Variants in GABRA3 observed in about 807,000 individuals in gnomAD.
The protein encoded by GABRA3 is gamma-aminobutyric acid receptor subunit alpha-3.
In GABRA3, 10 loss-of-function variants were observed where a neutral mutation model predicts 30.1. The observed-to-expected ratio is 0.33, with a 90% CI of 0.20 to 0.56. The LOEUF (loss-of-function observed/expected upper bound fraction) is 0.56, where lower values mean the gene tolerates loss of function less well. GABRA3 is among the 20% of genes least tolerant of loss of function. The pLI is 0.89. For missense variants in GABRA3, 233 were observed against 392.0 expected (o/e 0.59, Z 3.42); for synonymous variants, 151 against 146.8 (o/e 1.03, Z -0.21).
chrX:152,440,353 TA>T (rs1188091553), intron 1 of GABRA3, among the ~76,000 whole-genome samples: 5 of 112,126 alleles, frequency 4.5e-5, no homozygotes, highest in Non-Finnish European at 9.4e-5. Context: ...TGGCAATCAT[TA>T]AAAAGTCAAG....
chrX:152,247,578 T>C (rs1341681137), intron 5 of GABRA3, among the ~76,000 whole-genome samples: 1 of 111,822 alleles, frequency 8.9e-6, no homozygotes, highest in Non-Finnish European at 1.9e-5. Flanking sequence ...AAAATAGGGA[T>C]GTTAACAATA....
intron 1 of GABRA3, among the ~76,000 whole-genome samples, chrX:152,408,781 A>C (rs1326147886): frequency 2.7e-5 from 3 of 110,814 alleles, no homozygotes; most frequent in African/African-American, 9.8e-5. Flanking sequence ...AAAAAAAAAA[A>C]AAAAACCTGG....
chrX:152,293,112 C>G (rs1055207522), intron 3 of GABRA3, among the ~76,000 whole-genome samples: 14 of 110,974 alleles, frequency 1.3e-4, no homozygotes, highest in African/African-American at 3.3e-4. Context: ...TCCTTTTTAA[C>G]CTTCTGTCTC....
intron 1 of GABRA3, among the ~76,000 whole-genome samples, chrX:152,375,667 CACAA>C (rs1928976497): frequency 8.9e-6 from 1 of 112,125 alleles, no homozygotes; most frequent in Middle Eastern, 4.6e-3. Context: ...GGGATCAATC[CACAA>C]ACAATCTGTT....
chrX:152,279,486 C>T (rs1364762863), intron 4 of GABRA3, among the ~76,000 whole-genome samples: 1 of 111,618 alleles, frequency 9.0e-6, no homozygotes, highest in East Asian at 2.8e-4. Flanking sequence ...GTTTTGGTAC[C>T]AGTACCATGC....
At chrX:152,252,597 T>C (rs1185726668) in intron 5 of GABRA3, among the ~76,000 whole-genome samples, 2 of 111,890 alleles carry the variant, frequency 1.8e-5, no homozygotes, top group Non-Finnish European at 3.8e-5. Context: ...TGTTAATTAA[T>C]AATACTTATA....
At chrX:152,237,171 T>C (rs72614783) in intron 5 of GABRA3, among the ~76,000 whole-genome samples, 4,206 of 111,496 alleles carry the variant, frequency 0.038, 249 homozygotes, top group East Asian at 0.33. Flanking sequence ...TTGATTTTTG[T>C]CTAAGGTGTA....
intron 3 of GABRA3, among the ~76,000 whole-genome samples, chrX:152,331,544 G>C (rs1158141045): frequency 8.9e-6 from 1 of 111,967 alleles, no homozygotes; most frequent in Non-Finnish European, 1.9e-5. Flanking sequence ...GGGACACACA[G>C]AATGCACTCC....
At chrX:152,304,950 T>C (rs1012908072) in intron 3 of GABRA3, among the ~76,000 whole-genome samples, 2 of 112,080 alleles carry the variant, frequency 1.8e-5, no homozygotes, top group African/African-American at 6.5e-5. Context: ...GCAAGAAATA[T>C]TATTCCATTT....
intron 9 of GABRA3, among the ~76,000 whole-genome samples, chrX:152,180,628 A>AT (rs1475525588): frequency 9.0e-6 from 1 of 111,558 alleles, no homozygotes; most frequent in Admixed American, 9.6e-5. Flanking sequence ...TTTCACAGAG[A>AT]TTTTTTTCCC....
At chrX:152,417,376 C>A (rs1930254134) in intron 1 of GABRA3, among the ~76,000 whole-genome samples, 2 of 109,984 alleles carry the variant, frequency 1.8e-5, no homozygotes, top group African/African-American at 6.7e-5. Context: ...CAGGAAACAA[C>A]TGGTGCTGGA....
chrX:152,398,462 A>G (rs1028927939), intron 1 of GABRA3, among the ~76,000 whole-genome samples: 4 of 111,147 alleles, frequency 3.6e-5, no homozygotes, highest in Admixed American at 2.9e-4. Flanking sequence ...GAGAGGGAGG[A>G]CAGTGTTGAC....
At chrX:152,434,868 T>C (rs1237142517) in intron 1 of GABRA3, among the ~76,000 whole-genome samples, 1 of 111,407 alleles carries the variant, frequency 9.0e-6, no homozygotes, top group Non-Finnish European at 1.9e-5. Context: ...CACCAAACTA[T>C]GGATAGAAGG....
intron 9 of GABRA3, among the ~76,000 whole-genome samples, chrX:152,184,880 T>C (rs1012579671): frequency 1.8e-5 from 2 of 111,689 alleles, no homozygotes; most frequent in African/African-American, 6.5e-5. Flanking sequence ...ATCTATTGTC[T>C]AGAGTGCAAT....
intron 3 of GABRA3, among the ~76,000 whole-genome samples, chrX:152,293,715 T>C (rs1939468830): frequency 8.9e-6 from 1 of 111,903 alleles, no homozygotes; most frequent in Non-Finnish European, 1.9e-5. Flanking sequence ...AATTTCTTCC[T>C]AGCATCAATT....
At chrX:152,269,684 T>C (rs1246646434) in intron 4 of GABRA3, among the ~76,000 whole-genome samples, 1 of 111,159 alleles carries the variant, frequency 9.0e-6, no homozygotes, top group African/African-American at 3.3e-5. Context: ...CAGATATAAA[T>C]CCACACATTT....
At chrX:152,437,847 T>A (rs1032968329) in intron 1 of GABRA3, among the ~76,000 whole-genome samples, 2 of 112,107 alleles carry the variant, frequency 1.8e-5, no homozygotes, top group African/African-American at 6.5e-5. Context: ...AGACCTTACA[T>A]TCTTAACAAA....
At chrX:152,228,850 C>T (rs773241235) in intron 5 of GABRA3, among the ~76,000 whole-genome samples, 2 of 111,063 alleles carry the variant, frequency 1.8e-5, no homozygotes, top group South Asian at 7.6e-4. Context: ...TTACATAATC[C>T]ATCCATCCAT....
intron 1 of GABRA3, among the ~76,000 whole-genome samples, chrX:152,364,925 T>C (rs2124495117): frequency 8.9e-6 from 1 of 111,799 alleles, no homozygotes; most frequent in Non-Finnish European, 1.9e-5. Flanking sequence ...CTTCACCCTA[T>C]GTGATTAGGT....
Sources: gnomAD v4.1 joint callset for allele counts (sites outside exome capture counted in the v4.1 genomes callset) on GRCh38, gnomAD v4.1.1 for gene constraint, MANE v1.5 for transcripts, NCBI Gene and HGNC (gene_info 2026-07-23, HGNC 2026-07-21) for gene names.